Variants in MAOA observed in about 807,000 individuals in gnomAD.
The protein encoded by MAOA is amine oxidase [flavin-containing] A.
In MAOA, 6 loss-of-function variants were observed where a neutral mutation model predicts 42.0. The ratio of observed to expected loss-of-function variants is 0.14; its 90% CI spans 0.08 to 0.28. The LOEUF is 0.28. MAOA is among the 10% of genes least tolerant of loss of function. The pLI is 1.00. For missense variants in MAOA, 262 were observed against 422.3 expected, an observed-to-expected ratio of 0.62 and a Z score of 3.33; for synonymous variants, 140 against 154.0, an observed-to-expected ratio of 0.91 and a Z score of 0.67.
Position 43,683,610 on chromosome X carries a change from A to G in MAOA, c.168+3A>G, listed in dbSNP as rs2033460886. The G allele has an allele frequency of 8.6e-7, 1 of 1,166,814 alleles. No homozygotes were observed. Among genetic ancestry groups the G allele is most frequent in the Admixed American group, 2.2e-5 (1 of 45,919 alleles). On this transcript the variant is annotated splice_donor_region_variant and intron_variant, in intron 2 of 14. Coordinates refer to ENST00000338702, the MANE Select transcript of MAOA (RefSeq NM_000240.4). Reference sequence around the variant, plus strand: ...GAGGAAGAACATATACTATAAGGGTAAGTGATTTTAATACTTACATGTAAT... The same window carrying G: ...GAGGAAGAACATATACTATAAGGGTGAGTGATTTTAATACTTACATGTAAT...
chrX:43,694,099 A>G (rs2033559186), intron 3 of MAOA, among the ~76,000 whole-genome samples: 1 of 111,721 alleles, frequency 9.0e-6, no homozygotes, highest in African/African-American at 3.3e-5. Flanking sequence ...GAAGCCAAAC[A>G]TGGAGTGGCT....
At chrX:43,744,278 C>T in intron 14 of MAOA, 89 bp from the exon 15 acceptor site, 1 of 1,124,115 alleles carries the variant, frequency 8.9e-7, no homozygotes, top group Non-Finnish European at 1.2e-6. Context: ...TGCAACTATC[C>T]CAGGGGTCTC....
At chrX:43,729,219 G>A (rs182803542) in intron 6 of MAOA, among the ~76,000 whole-genome samples, 1 of 112,087 alleles carries the variant, frequency 8.9e-6, no homozygotes, top group Non-Finnish European at 1.9e-5. Flanking sequence ...CAGGACAGTT[G>A]CATTTTTTAA....
intron 11 of MAOA, among the ~76,000 whole-genome samples, chrX:43,741,433 T>G (rs1478279657): frequency 1.8e-5 from 2 of 112,095 alleles, no homozygotes; most frequent in Non-Finnish European, 3.8e-5. Context: ...AATTGCCGCT[T>G]TTTCGTGGAA....
intron 2 of MAOA, among the ~76,000 whole-genome samples, chrX:43,684,874 C>CTTTTTTTTTTTTTTTTTTTTTTTT (rs201207592): frequency 6.7e-5 from 4 of 59,632 alleles, no homozygotes; most frequent in East Asian, 5.0e-4. Context: ...CTTTTCTTTT[C>CTTTTTTTTTTTTTTTTTTTTTTTT]TTTTTTTTTT....
chrX:43,706,724 G>A (rs1467956084), intron 3 of MAOA, among the ~76,000 whole-genome samples: 1 of 111,772 alleles, frequency 8.9e-6, no homozygotes, highest in Non-Finnish European at 1.9e-5. Context: ...TGAGGCTGGA[G>A]AATCACTTAA....
chrX:43,657,956 G>A, intron 1 of MAOA: 1 of 740,372 alleles, frequency 1.4e-6, no homozygotes, highest in Non-Finnish European at 1.6e-6. Context: ...GAGGAAAGCA[G>A]CTCCTGGTGG....
At chrX:43,731,639 G>C in intron 7 of MAOA, 55 bp from the exon 8 acceptor site, 2 of 1,117,901 alleles carry the variant, frequency 1.8e-6, no homozygotes, top group Non-Finnish European at 2.5e-6. Flanking sequence ...TTTCACGCCT[G>C]CCACAAAGAC....
intron 2 of MAOA, among the ~76,000 whole-genome samples, chrX:43,689,119 G>T (rs745455608): frequency 9.1e-6 from 1 of 109,909 alleles, no homozygotes; most frequent in East Asian, 2.9e-4. Flanking sequence ...TCACTGTGTT[G>T]CCCAGGCTGG....
intron 1 of MAOA, 146 bp downstream of exon 1, chrX:43,656,560 G>A: frequency 1.8e-6 from 1 of 554,037 alleles, no homozygotes; most frequent in Non-Finnish European, 3.1e-6. Context: ...CTGCGAGGTA[G>A]GAGTGGGGGT....
At chrX:43,710,817 C>A (rs2147093770) in intron 3 of MAOA, among the ~76,000 whole-genome samples, 1 of 111,659 alleles carries the variant, frequency 9.0e-6, no homozygotes, top group African/African-American at 3.3e-5. Context: ...GTCTTGGTAC[C>A]AAGCAATAGA....
At chrX:43,661,021 C>T (rs2033229409) in intron 1 of MAOA, among the ~76,000 whole-genome samples, 1 of 112,078 alleles carries the variant, frequency 8.9e-6, no homozygotes, top group Admixed American at 9.5e-5. Flanking sequence ...GCAATCTAGT[C>T]CAATCACCTA....
chrX:43,737,502 G>A (rs2033928467), intron 10 of MAOA, among the ~76,000 whole-genome samples: 1 of 111,906 alleles, frequency 8.9e-6, no homozygotes, highest in African/African-American at 3.3e-5. Context: ...CTGTTCCGTA[G>A]GTAGCACTTT....
At chrX:43,742,335 T>G (rs1254662446) in intron 12 of MAOA, among the ~76,000 whole-genome samples, 2 of 112,297 alleles carry the variant, frequency 1.8e-5, no homozygotes, top group Non-Finnish European at 3.8e-5. Flanking sequence ...CTTCGTGAGC[T>G]CAACTTGACA....
rs776478831 is a variant in MAOA at position 43,683,643 on chromosome X, C to T, written c.168+36C>T. 2.9e-6 allele frequency: 3 copies of T among 1,029,739 alleles called. No individual in the cohort carries two copies. The South Asian group carries it at 5.7e-5, about 19-fold the overall frequency. 84.9% of individuals were successfully genotyped at this position (1,029,739 alleles called of 1,213,427 possible). A position where few individuals can be genotyped will look rare whatever the true frequency, so the allele number is the denominator to read the frequency against. ...TTAATACTTACATGTAATGTAATAT[C>T]TCACTCAAACTACAAGTGGCACCAC... On this transcript the variant is annotated intron_variant, in intron 2 of 14. Coordinates refer to ENST00000338702, the MANE Select transcript of MAOA (RefSeq NM_000240.4).
chrX:43,692,914 G>T (rs2033548314), intron 2 of MAOA, among the ~76,000 whole-genome samples: 2 of 112,267 alleles, frequency 1.8e-5, no homozygotes, highest in Admixed American at 1.9e-4. Flanking sequence ...TCACCTGGTG[G>T]AAATTAGGGA....
upstream of MAOA, chrX:43,655,899 A>G: frequency 5.6e-6 from 1 of 177,898 alleles, no homozygotes; most frequent in South Asian, 1.0e-4. Context: ...CTACCCAATA[A>G]CATTTCCCCA....
At chrX:43,722,752 G>A (rs1296261697) in intron 5 of MAOA, among the ~76,000 whole-genome samples, 1 of 111,913 alleles carries the variant, frequency 8.9e-6, no homozygotes, top group East Asian at 2.8e-4. Context: ...TAGTTATGAA[G>A]TCTTTGTCCA....
At position 43,742,017 on chromosome X, in the gene MAOA, T is replaced by C; in HGVS notation, c.1232T>C (p.Phe411Ser). ...TCTGGGGGCTGCTACACGGCCTACT[T>C]CCCTCCTGGGATCATGACTCAATAT... ...QYSGGCYTAY[F>S]PPGIMTQYGR... Residue 411 changes from phenylalanine (F) to serine (S), a missense_variant, in exon 12 of 15, where the codon TTC (phenylalanine) becomes TCC (serine). Coordinates refer to ENST00000338702, the MANE Select transcript of MAOA (RefSeq NM_000240.4). The C allele has an allele frequency of 8.3e-7, 1 of 1,211,657 alleles. No individual in the cohort carries two copies. Among genetic ancestry groups the C allele is most frequent in the Non-Finnish European group, 1.1e-6 (1 of 895,515 alleles).
Sources: gnomAD v4.1 joint callset for allele counts (sites outside exome capture counted in the v4.1 genomes callset) on GRCh38, gnomAD v4.1.1 for gene constraint, MANE v1.5 for transcripts, NCBI Gene and HGNC (gene_info 2026-07-23, HGNC 2026-07-21) for gene names.